PAMR1: variants seen among roughly 807,000 people sequenced by gnomAD.
The protein encoded by PAMR1 is inactive serine protease PAMR1.
Under a neutral mutation model 81.8 loss-of-function variants are expected in PAMR1, and 88 were observed. The ratio of observed to expected loss-of-function variants is 1.08; its 90% CI spans 0.91 to 1.28. The LOEUF (loss-of-function observed/expected upper bound fraction) is 1.28. Among genes scored for constraint, PAMR1 ranks in the 50% most tolerant of loss-of-function variants. The probability of loss-of-function intolerance (pLI) is 0.00; values close to 1 mark genes in which losing one functional copy is unlikely to be tolerated. For missense variants in PAMR1, 935 were observed against 919.7 expected (o/e 1.02, Z -0.21); for synonymous variants, 336 against 345.3 (o/e 0.97, Z 0.30).
intron 6 of PAMR1, among the ~76,000 whole-genome samples, chr11:35,448,771 A>T (rs979869513): frequency 1.3e-5 from 2 of 151,834 alleles, no homozygotes; most frequent in African/African-American, 4.8e-5. Flanking sequence ...TCTCATCTTC[A>T]TGGGTTTATC....
At chr11:35,484,247 T>C (rs1010437888) in intron 3 of PAMR1, among the ~76,000 whole-genome samples, 1 of 152,196 alleles carries the variant, frequency 6.6e-6, no homozygotes, top group Non-Finnish European at 1.5e-5. Flanking sequence ...ATGAGGAAAC[T>C]GAGATTCACA....
intron 1 of PAMR1, among the ~76,000 whole-genome samples, chr11:35,502,047 T>G (rs933139318): frequency 1.7e-4 from 26 of 152,198 alleles, no homozygotes; most frequent in Admixed American, 8.5e-4. Context: ...CCACCAACAC[T>G]GTACCAGGGT....
chr11:35,504,811 A>G (rs1414226088), intron 1 of PAMR1, among the ~76,000 whole-genome samples: 1 of 151,708 alleles, frequency 6.6e-6, no homozygotes, highest in Admixed American at 6.6e-5. Flanking sequence ...TTTTCAAAAA[A>G]CCAACTTTTT....
intron 3 of PAMR1, among the ~76,000 whole-genome samples, chr11:35,482,831 C>T (rs1368823291): frequency 2.0e-5 from 3 of 152,122 alleles, no homozygotes; most frequent in African/African-American, 7.2e-5. Context: ...ACTTGGCTCT[C>T]TGCTTGTCTA....
At chr11:35,493,555 G>A (rs189124723) in intron 2 of PAMR1, among the ~76,000 whole-genome samples, 1 of 152,188 alleles carries the variant, frequency 6.6e-6, no homozygotes, top group Admixed American at 6.5e-5. Context: ...CTTCGCACAT[G>A]TTATCCTCTG....
At chr11:35,452,281 T>A (rs2135356320) in intron 6 of PAMR1, among the ~76,000 whole-genome samples, 1 of 151,888 alleles carries the variant, frequency 6.6e-6, no homozygotes, top group East Asian at 1.9e-4. Context: ...ATTAGTAAAC[T>A]AAAAGATGGC....
Position 35,436,049 on chromosome 11 carries a change from A to G in PAMR1, c.1187T>C (p.Phe396Ser). ...SAPTKKPALP[F>S]GDLPMGYQHL... ...TTGGTATCCCATGGGCAGATCTCCA[A>G]AGGGAAGGGCTGGCTTCTTGGTAGG... The change falls in exon 9 of 11, where the codon TTT becomes TCT. Residue 396 changes from phenylalanine to serine, a missense_variant. Coordinates refer to ENST00000619888, the MANE Select transcript of PAMR1 (RefSeq NM_001001991.3). 6.2e-7 allele frequency: 1 copy of G among 1,614,094 alleles called. No homozygotes were observed. The highest frequency in any genetic ancestry group is 1.3e-5 in the African/African-American group (1 of 75,016).
Position 35,432,014 on chromosome 11 carries a change from A to G in PAMR1, c.*342T>C, listed in dbSNP as rs1855915501. 3.7e-6 allele frequency: 1 copy of G among 271,412 alleles called. No homozygotes were observed. The highest frequency in any genetic ancestry group is 7.1e-6 in the Non-Finnish European group (1 of 141,696). The allele number at this position is 271,412 out of a possible 1,614,324, so 16.8% of individuals were successfully genotyped here. A position where few individuals can be genotyped will look rare whatever the true frequency, so the allele number is the denominator to read the frequency against. ...CCTCAAAAGGGGCCTCATGAAGCCCAGATCTTCCCTGGTCAAGCTGATGGC... is the reference window on the plus strand; with the variant it reads ...CCTCAAAAGGGGCCTCATGAAGCCCGGATCTTCCCTGGTCAAGCTGATGGC... On this transcript the variant is annotated 3_prime_UTR_variant, in exon 11 of 11. Coordinates refer to ENST00000619888, the MANE Select transcript of PAMR1 (RefSeq NM_001001991.3).
At chr11:35,472,034 A>C (rs1038550405) in intron 4 of PAMR1, among the ~76,000 whole-genome samples, 1 of 152,236 alleles carries the variant, frequency 6.6e-6, no homozygotes, top group Non-Finnish European at 1.5e-5. Context: ...AAAAGGTACT[A>C]TTAACAAAGA....
chr11:35,439,799 A>G (rs1387282979), intron 7 of PAMR1, 106 bp from the exon 8 acceptor site: 1 of 902,218 alleles, frequency 1.1e-6, no homozygotes, highest in Non-Finnish European at 1.8e-6. Flanking sequence ...CCAGGTGCCC[A>G]TTCCCCAGGC....
intron 3 of PAMR1, among the ~76,000 whole-genome samples, chr11:35,483,812 TAAC>T (rs1223403023): frequency 6.6e-6 from 1 of 152,220 alleles, no homozygotes; most frequent in Non-Finnish European, 1.5e-5. Flanking sequence ...ATGAGTTCTT[TAAC>T]AACATAAAAT....
chr11:35,469,275 G>A (rs759756643), intron 5 of PAMR1, among the ~76,000 whole-genome samples: 46 of 152,182 alleles, frequency 3.0e-4, no homozygotes, highest in Admixed American at 5.2e-4. Flanking sequence ...ATTATTTGAC[G>A]GCATTGATAA....
chr11:35,517,276 T>A (rs1292633346), intron 1 of PAMR1, among the ~76,000 whole-genome samples: 2 of 152,356 alleles, frequency 1.3e-5, no homozygotes, highest in African/African-American at 4.8e-5. Flanking sequence ...GGAACATGGA[T>A]GTGCCATCAT....
At chr11:35,528,662 T>C (rs936584265), upstream of PAMR1, among the ~76,000 whole-genome samples, 2 of 152,180 alleles carry the variant, frequency 1.3e-5, no homozygotes, top group African/African-American at 4.8e-5. Flanking sequence ...GAATCTAAGA[T>C]GGGTAGGGAA....
intron 3 of PAMR1, among the ~76,000 whole-genome samples, chr11:35,477,043 T>C (rs1590354851): frequency 6.6e-6 from 1 of 152,080 alleles, no homozygotes. Context: ...CATAGAATAA[T>C]AAAAATAATA....
At chr11:35,474,885 T>G in intron 3 of PAMR1, 141 bp from the exon 4 acceptor site, 1 of 605,016 alleles carries the variant, frequency 1.7e-6, no homozygotes, top group East Asian at 3.2e-5. Context: ...AAATTAATGT[T>G]TCTCAAGCAG....
intron 6 of PAMR1, among the ~76,000 whole-genome samples, chr11:35,443,307 C>T (rs1856216895): frequency 6.6e-6 from 1 of 152,010 alleles, no homozygotes; most frequent in Non-Finnish European, 1.5e-5. Context: ...CAATCCATCA[C>T]CTAGGTATTA....
chr11:35,526,303 C>T (rs1851389274), upstream of PAMR1, among the ~76,000 whole-genome samples: 1 of 152,190 alleles, frequency 6.6e-6, no homozygotes, highest in African/African-American at 2.4e-5. Context: ...AAAAAGTTTT[C>T]CTCTTCCTGT....
At chr11:35,497,766 A>G (rs528750946) in intron 1 of PAMR1, among the ~76,000 whole-genome samples, 59 of 152,214 alleles carry the variant, frequency 3.9e-4, no homozygotes, top group Non-Finnish European at 6.9e-4. Context: ...CACTGTACTG[A>G]TATTTATTAC....
Sources: allele counts gnomAD v4.1 joint callset (sites outside exome capture counted in the v4.1 genomes callset), GRCh38; gene constraint gnomAD v4.1.1; transcripts MANE v1.5; gene names NCBI Gene and HGNC (gene_info 2026-07-23, HGNC 2026-07-21).